ARHGAP18: variants seen among roughly 807,000 people sequenced by gnomAD.
The protein encoded by ARHGAP18 is rho GTPase-activating protein 18.
A neutral mutation model predicts 86.2 loss-of-function variants in ARHGAP18; 67 were observed. That is an observed-to-expected ratio of 0.78 (90% CI 0.64 to 0.95). ARHGAP18 has a LOEUF of 0.95. ARHGAP18 is among the 40% of genes least tolerant of loss of function. ARHGAP18 has a pLI of 0.00. For missense variants in ARHGAP18, 691 were observed against 780.4 expected (o/e 0.89, Z 1.37); for synonymous variants, 283 against 280.4 (o/e 1.01, Z -0.09).
Position 129,633,908 on chromosome 6 carries a change from C to T in ARHGAP18, c.616+134G>A, listed in dbSNP as rs960867772. ...TATATGCTCAGCCTCACATAATGAT[C>T]CACTTGAGACCTTACATTAACATTT... On this transcript the variant is annotated intron_variant, in intron 4 of 14. Transcript: ENST00000368149. The T allele has an allele frequency of 6.6e-5, 46 of 694,870 alleles. No individual in the cohort carries two copies. In the Admixed American group the frequency reaches 1.0e-3, roughly 15 times the overall value. 43.0% of individuals were successfully genotyped at this position (694,870 alleles called of 1,614,324 possible).
At chr6:129,695,046 C>T (rs1774589974) in intron 1 of ARHGAP18, among the ~76,000 whole-genome samples, 1 of 152,024 alleles carries the variant, frequency 6.6e-6, no homozygotes, top group Admixed American at 6.5e-5. Flanking sequence ...CAATTTTTAA[C>T]ATTTTTCTAC....
At position 129,638,797 on chromosome 6, in the gene ARHGAP18, A is replaced by G. The variant is rs367710992; in HGVS notation, c.317-168T>C. Among the ~76,000 whole-genome samples the G allele has an allele frequency of 4.7e-4, 71 of 152,368 alleles. No individual in the cohort carries two copies. In the South Asian group the frequency reaches 0.015, roughly 32 times the overall value. Reference sequence around the variant, plus strand: ...TGCCATACACTCCAGCCACAATGACATCAAATTTTAGATTGATTTCATATA... The same window carrying G: ...TGCCATACACTCCAGCCACAATGACGTCAAATTTTAGATTGATTTCATATA... On this transcript the variant is annotated intron_variant, in intron 2 of 14. Transcript: ENST00000368149.
intron 1 of ARHGAP18, among the ~76,000 whole-genome samples, chr6:129,676,913 C>CTTTTTTTTTTTTTTTT (rs1562721123): frequency 2.9e-5 from 1 of 34,564 alleles, no homozygotes; most frequent in African/African-American, 8.5e-5. Flanking sequence ...ATTTTTTGTC[C>CTTTTTTTTTTTTTTTT]TCTTTTTTTT....
chr6:129,611,615 G>T lies in ARHGAP18; in HGVS notation c.1045-5C>A. The T allele has an allele frequency of 6.2e-7, 1 of 1,612,282 alleles. No homozygotes were observed. Among genetic ancestry groups the T allele is most frequent in the Non-Finnish European group, 8.5e-7 (1 of 1,178,780 alleles). On this transcript the variant is annotated splice_polypyrimidine_tract_variant and splice_region_variant and intron_variant, in intron 7 of 14. Coordinates refer to ENST00000368149, the MANE Select transcript of ARHGAP18 (RefSeq NM_033515.3). ...CTCTTCAATTCGAGAAATCAGCTGTGCATAAACAGAGAAACATTCTAATTT... is the reference window on the plus strand; with the variant it reads ...CTCTTCAATTCGAGAAATCAGCTGTTCATAAACAGAGAAACATTCTAATTT...
chr6:129,679,278 A>G (rs1307648482), intron 1 of ARHGAP18, among the ~76,000 whole-genome samples: 1 of 152,240 alleles, frequency 6.6e-6, no homozygotes, highest in Non-Finnish European at 1.5e-5. Context: ...GCCATCTGTC[A>G]TCTGGACAGT....
intron 7 of ARHGAP18, among the ~76,000 whole-genome samples, chr6:129,612,279 C>T (rs1788995701): frequency 6.6e-6 from 1 of 152,140 alleles, no homozygotes; most frequent in South Asian, 2.1e-4. Context: ...TAAGAGTGGT[C>T]AGATTCTTGA....
Position 129,605,896 on chromosome 6 carries a change from G to C in ARHGAP18, c.1346C>G (p.Ala449Gly). ...LNLLVILLPD[A>G]NRDTLKALLE... is the part of the protein sequence containing the mutation. ...GCTGACCTTCAGTGTGTCCCTGTTTGCATCAGGTAGGAGGATGACAAGAAG... is the reference window on the plus strand; with the variant it reads ...GCTGACCTTCAGTGTGTCCCTGTTTCCATCAGGTAGGAGGATGACAAGAAG... The change falls in exon 10 of 15, where the codon GCA (alanine) becomes GGA (glycine). Residue 449 changes from alanine (A) to glycine (G), a missense_variant. By Grantham distance (60) the Ala-to-Gly change is moderately conservative (BLOSUM62 0). Coordinates refer to ENST00000368149, the MANE Select transcript of ARHGAP18 (RefSeq NM_033515.3). The C allele has an allele frequency of 6.2e-7, 1 of 1,613,342 alleles. No individual in the cohort carries two copies. The highest frequency in any genetic ancestry group is 8.5e-7 in the Non-Finnish European group (1 of 1,179,420).
intron 1 of ARHGAP18, among the ~76,000 whole-genome samples, chr6:129,678,222 A>G (rs1343466572): frequency 6.6e-6 from 1 of 152,246 alleles, no homozygotes; most frequent in Non-Finnish European, 1.5e-5. Context: ...GTCTCCGATC[A>G]ATATTTACAC....
chr6:129,666,278 A>G (rs954087736), intron 1 of ARHGAP18, among the ~76,000 whole-genome samples: 2 of 152,218 alleles, frequency 1.3e-5, no homozygotes, highest in African/African-American at 4.8e-5. Context: ...CCGAAAGTAG[A>G]GAACTCCCCA....
intron 1 of ARHGAP18, among the ~76,000 whole-genome samples, chr6:129,669,051 G>A (rs929098968): frequency 2.6e-5 from 4 of 152,170 alleles, no homozygotes; most frequent in Non-Finnish European, 4.4e-5. Context: ...CAACTCCAGA[G>A]AAATAAAACA....
intron 1 of ARHGAP18, among the ~76,000 whole-genome samples, chr6:129,689,339 G>A (rs997583542): frequency 6.6e-6 from 1 of 152,194 alleles, no homozygotes; most frequent in Non-Finnish European, 1.5e-5. Context: ...TGTCACCCAA[G>A]CTAGAGTGCA....
At position 129,710,173 on chromosome 6, in the gene ARHGAP18, C is replaced by T. The variant is rs375985630; in HGVS notation, c.-37G>A. 41 of 1,521,278 alleles carry T rather than the reference C, an allele frequency of 2.7e-5. No individual in the cohort carries two copies. Among genetic ancestry groups the T allele is most frequent in the Non-Finnish European group, 3.1e-5 (34 of 1,099,194 alleles). The allele number at this position is 1,521,278 out of a possible 1,614,324, so 94.2% of individuals were successfully genotyped here. A position where few individuals can be genotyped will look rare whatever the true frequency, so the allele number is the denominator to read the frequency against. On this transcript the variant is annotated 5_prime_UTR_variant, in exon 1 of 15. In the 5' UTR this introduces an upstream ATG that the reference lacks. Transcript: ENST00000368149. ...GGACATACTTTCTGCGATCCTGACA[C>T]AGAGAAGGGGAAAGAAGTTCCTGTC...
chr6:129,678,021 TTTTC>T (rs1774265655), intron 1 of ARHGAP18, among the ~76,000 whole-genome samples: 1 of 152,250 alleles, frequency 6.6e-6, no homozygotes, highest in Admixed American at 6.5e-5. Context: ...ATCATCCATA[TTTTC>T]TTTATCAGCT....
At chr6:129,683,517 T>C (rs1477810068) in intron 1 of ARHGAP18, among the ~76,000 whole-genome samples, 1 of 152,238 alleles carries the variant, frequency 6.6e-6, no homozygotes, top group African/African-American at 2.4e-5. Context: ...TGATCACACG[T>C]TAATAATTTG....
chr6:129,684,556 C>T (rs1774393679), intron 1 of ARHGAP18, among the ~76,000 whole-genome samples: 1 of 152,192 alleles, frequency 6.6e-6, no homozygotes, highest in Admixed American at 6.5e-5. Flanking sequence ...TGTTAGAATG[C>T]TGTGTGTTAG....
intron 1 of ARHGAP18, among the ~76,000 whole-genome samples, chr6:129,697,671 T>C (rs1374427497): frequency 6.6e-6 from 1 of 152,236 alleles, no homozygotes; most frequent in Non-Finnish European, 1.5e-5. Flanking sequence ...GTGATGACAC[T>C]GTGTGATTAC....
chr6:129,626,065 T>TACACACACACACACACAC (rs71028169), intron 5 of ARHGAP18, among the ~76,000 whole-genome samples: 7 of 101,534 alleles, frequency 6.9e-5, no homozygotes, highest in East Asian at 5.2e-4. Flanking sequence ...TATACACATA[T>TACACACACACACACACAC]ACACACACAC....
intron 1 of ARHGAP18, among the ~76,000 whole-genome samples, chr6:129,688,136 G>A (rs1183883985): frequency 2.6e-5 from 4 of 152,092 alleles, no homozygotes; most frequent in African/African-American, 4.8e-5. Context: ...TCAACCTCTC[G>A]TTCCAGTCTT....
At chr6:129,616,940 A>G (rs1789111365) in intron 6 of ARHGAP18, among the ~76,000 whole-genome samples, 1 of 152,186 alleles carries the variant, frequency 6.6e-6, no homozygotes. Flanking sequence ...TCAGTGACAG[A>G]GCTGTCACCG....
Sources: gnomAD v4.1 joint callset for allele counts (sites outside exome capture counted in the v4.1 genomes callset) on GRCh38, gnomAD v4.1.1 for gene constraint, MANE v1.5 for transcripts, NCBI Gene and HGNC (gene_info 2026-07-23, HGNC 2026-07-21) for gene names.